Variants in HDAC4 observed in about 807,000 individuals in gnomAD.
The protein encoded by HDAC4 is histone deacetylase 4.
A neutral mutation model predicts 135.1 loss-of-function variants in HDAC4; 16 were observed. The ratio of observed to expected loss-of-function variants is 0.12; its 90% CI spans 0.08 to 0.18. The LOEUF (loss-of-function observed/expected upper bound fraction) is 0.18. HDAC4 is among the 10% of genes least tolerant of loss of function. HDAC4 has a pLI of 1.00. For missense variants in HDAC4, 1,143 were observed against 1,511.8 expected (o/e 0.76, Z 4.05); for synonymous variants, 685 against 653.4 (o/e 1.05, Z -0.74).
At chr2:239,358,520 T>C (rs1693660475) in intron 1 of HDAC4, among the ~76,000 whole-genome samples, 1 of 152,206 alleles carries the variant, frequency 6.6e-6, no homozygotes, top group South Asian at 2.1e-4. Context: ...GAGAACTGTG[T>C]TCGGACCCAA....
At chr2:239,270,529 C>T (rs2050002116) in intron 2 of HDAC4, among the ~76,000 whole-genome samples, 1 of 152,152 alleles carries the variant, frequency 6.6e-6, no homozygotes, top group African/African-American at 2.4e-5. Flanking sequence ...CCAGAATAAG[C>T]TGAAATAGTC....
intron 22 of HDAC4, among the ~76,000 whole-genome samples, chr2:239,078,157 C>A (rs1267451444): frequency 6.6e-6 from 1 of 152,340 alleles, no homozygotes; most frequent in African/African-American, 2.4e-5. Context: ...AAGCCCCCAC[C>A]CCCAGCGGCT....
intron 6 of HDAC4, among the ~76,000 whole-genome samples, chr2:239,157,963 A>G (rs529625812): frequency 6.6e-6 from 1 of 152,304 alleles, no homozygotes; most frequent in South Asian, 2.1e-4. Flanking sequence ...GCCACGCCCC[A>G]ACCCCGCCCA....
intron 7 of HDAC4, among the ~76,000 whole-genome samples, chr2:239,145,303 A>G (rs1004062032): frequency 1.1e-4 from 16 of 152,058 alleles, no homozygotes; most frequent in African/African-American, 3.9e-4. Flanking sequence ...CGACCTGGGG[A>G]GGCTCAGCAG....
chr2:239,202,708 G>A (rs1412274497), intron 3 of HDAC4, among the ~76,000 whole-genome samples: 1 of 152,144 alleles, frequency 6.6e-6, no homozygotes, highest in Non-Finnish European at 1.5e-5. Flanking sequence ...GGAGAGACAA[G>A]GCAAGGCTTC....
intron 9 of HDAC4, among the ~76,000 whole-genome samples, chr2:239,135,945 G>C (rs1425461664): frequency 6.6e-6 from 1 of 152,182 alleles, no homozygotes; most frequent in East Asian, 1.9e-4. Flanking sequence ...AGATTAGAAG[G>C]CCACACAGGA....
At chr2:239,157,958 G>T (rs1469069781) in intron 6 of HDAC4, among the ~76,000 whole-genome samples, 1 of 152,168 alleles carries the variant, frequency 6.6e-6, no homozygotes, top group African/African-American at 2.4e-5. Flanking sequence ...TTCAGGCCAC[G>T]CCCCAACCCC....
intron 3 of HDAC4, among the ~76,000 whole-genome samples, chr2:239,226,640 GCAA>G (rs770043789): frequency 2.6e-5 from 4 of 151,006 alleles, no homozygotes; most frequent in Admixed American, 6.6e-5. Context: ...TGGGTCGACA[GCAA>G]CAACAACAAT....
chr2:239,380,713 A>AT (rs1211233437), intron 1 of HDAC4, among the ~76,000 whole-genome samples: 1 of 152,094 alleles, frequency 6.6e-6, no homozygotes. Context: ...ACAATTGAAA[A>AT]TTTTTTTTAT....
At chr2:239,150,312 C>G (rs777495888) in intron 7 of HDAC4, among the ~76,000 whole-genome samples, 3 of 151,762 alleles carry the variant, frequency 2.0e-5, no homozygotes, top group Non-Finnish European at 2.9e-5. Context: ...GATATACACA[C>G]AGATACACAG....
At chr2:239,170,284 A>G (rs1326993626) in intron 5 of HDAC4, among the ~76,000 whole-genome samples, 9 of 152,234 alleles carry the variant, frequency 5.9e-5, no homozygotes, top group Admixed American at 5.9e-4. Context: ...TTATATCCCA[A>G]TTCTAATTTA....
intron 8 of HDAC4, among the ~76,000 whole-genome samples, chr2:239,143,222 A>C (rs1240052205): frequency 6.6e-6 from 1 of 152,012 alleles, no homozygotes; most frequent in Non-Finnish European, 1.5e-5. Context: ...CACTCAGAAG[A>C]AGCTTGCTGA....
At chr2:239,150,931 T>C (rs926358067) in intron 7 of HDAC4, among the ~76,000 whole-genome samples, 1 of 152,212 alleles carries the variant, frequency 6.6e-6, no homozygotes, top group Non-Finnish European at 1.5e-5. Flanking sequence ...CTGCACCTCC[T>C]GAAGTATGTA....
At chr2:239,125,536 G>T (rs1049883516) in intron 12 of HDAC4, among the ~76,000 whole-genome samples, 5 of 152,222 alleles carry the variant, frequency 3.3e-5, no homozygotes, top group Non-Finnish European at 5.9e-5. Context: ...GACTCAGGTT[G>T]CTGTGAATGC....
At chr2:239,136,828 C>G (rs1390028752) in intron 9 of HDAC4, among the ~76,000 whole-genome samples, 1 of 152,204 alleles carries the variant, frequency 6.6e-6, no homozygotes, top group Non-Finnish European at 1.5e-5. Context: ...TCCTACAGAA[C>G]AGAAAGCCCG....
At position 239,352,810 on chromosome 2, in the gene HDAC4, G is replaced by T; in HGVS notation, c.-111C>A. On this transcript the variant is annotated 5_prime_UTR_variant, in exon 2 of 27. Transcript: ENST00000543185. The surrounding 1 kb of genome is among the most constrained non-coding windows in gnomAD (Gnocchi z 4.4). The stretch of plus-strand genomic sequence containing the variant: ...ACCAACACATACAAGTACCGGGACG[G>T]TGAGGGCTGGGTCACAGACGTTCAA... 1 of 1,101,842 alleles carries T rather than the reference G, an allele frequency of 9.1e-7. No individual in the cohort carries two copies. The highest frequency in any genetic ancestry group is 1.4e-6 in the Non-Finnish European group (1 of 738,868). The allele number at this position is 1,101,842 out of a possible 1,614,324, so 68.3% of individuals were successfully genotyped here.
intron 1 of HDAC4, among the ~76,000 whole-genome samples, chr2:239,368,186 G>A (rs1374760132): frequency 3.3e-5 from 5 of 152,160 alleles, no homozygotes; most frequent in Admixed American, 6.5e-5. Flanking sequence ...TAATTTGCAG[G>A]AGTGTGAAGG....
At chr2:239,319,426 C>T (rs925739) in intron 2 of HDAC4, among the ~76,000 whole-genome samples, 83,482 of 152,174 alleles carry the variant, frequency 0.55, 23,300 homozygotes, top group African/African-American at 0.64. Flanking sequence ...AGCAGGCTGG[C>T]GGTCAGGCAC....
intron 4 of HDAC4, among the ~76,000 whole-genome samples, chr2:239,181,133 G>C (rs940269751): frequency 6.6e-6 from 1 of 152,218 alleles, no homozygotes; most frequent in African/African-American, 2.4e-5. Context: ...GGACCTGCCG[G>C]CTCTCCTCAC....
Sources: allele counts gnomAD v4.1 joint callset (sites outside exome capture counted in the v4.1 genomes callset), GRCh38; gene constraint gnomAD v4.1.1; non-coding constraint Gnocchi (gnomAD v3.1); transcripts MANE v1.5; gene names NCBI Gene and HGNC (gene_info 2026-07-23, HGNC 2026-07-21).